Variants in EHBP1 observed in about 807,000 individuals in gnomAD.
EHBP1 encodes EH domain binding protein 1, also known as EH domain-binding protein 1.
In EHBP1, 55 loss-of-function variants were observed where a neutral mutation model predicts 144.0. The observed-to-expected ratio is 0.38, with a 90% confidence interval of 0.31 to 0.48. The LOEUF (loss-of-function observed/expected upper bound fraction) is 0.48, where lower values mean the gene tolerates loss of function less well. Ranked by LOEUF, EHBP1 falls within the 20% of genes least tolerant of loss-of-function variation. The pLI, the probability that EHBP1 is intolerant of heterozygous loss-of-function variation, is 0.98. For synonymous variants in EHBP1, 469 were observed against 472.7 expected (o/e 0.99, Z 0.10); for missense variants, 1,200 against 1,364.2 (o/e 0.88, Z 1.90).
intron 5 of EHBP1, among the ~76,000 whole-genome samples, chr2:62,791,968 C>T (rs768384113): frequency 3.3e-5 from 5 of 152,064 alleles, no homozygotes; most frequent in Middle Eastern, 6.8e-3. Context: ...CTCTTCATAT[C>T]GCTAATTAAT....
intron 10 of EHBP1, among the ~76,000 whole-genome samples, chr2:62,894,967 C>T (rs1022716486): frequency 1.6e-5 from 2 of 123,712 alleles, no homozygotes; most frequent in Non-Finnish European, 3.5e-5. Flanking sequence ...ATGCTGCAGG[C>T]AAGCAGGCAG....
At chr2:62,875,369 G>A (rs2050808464) in intron 10 of EHBP1, among the ~76,000 whole-genome samples, 1 of 152,220 alleles carries the variant, frequency 6.6e-6, no homozygotes, top group Non-Finnish European at 1.5e-5. Context: ...TGCAGCCCAC[G>A]AGTGCTGAGA....
chr2:62,768,962 C>T (rs2041409935), intron 4 of EHBP1, among the ~76,000 whole-genome samples: 1 of 152,178 alleles, frequency 6.6e-6, no homozygotes, highest in African/African-American at 2.4e-5. Flanking sequence ...TAAAATTCAA[C>T]ATCCCTTTGT....
At chr2:62,879,582 C>G (rs1173123204) in intron 10 of EHBP1, among the ~76,000 whole-genome samples, 1 of 150,990 alleles carries the variant, frequency 6.6e-6, no homozygotes, top group Non-Finnish European at 1.5e-5. Context: ...CACACACACA[C>G]ACACACACAG....
In EHBP1 at chr2:63,022,879, T is replaced by A. The variant is rs192635856; in HGVS notation, c.3104-14656T>A. ...CTGTTGAGTTGATACCTATTTTTTT[T>A]AAAAACATTAGAGGCCGGGCACAGT... On this transcript the variant is annotated intron_variant, in intron 19 of 22. Coordinates refer to ENST00000431489, the MANE Select transcript of EHBP1 (RefSeq NM_001142616.3). Among the ~76,000 whole-genome samples the A allele has an allele frequency of 1.7e-3, 263 of 152,168 alleles. 1 individual carries two copies. Among genetic ancestry groups the A allele is most frequent in the Middle Eastern group, 3.4e-3 (1 of 294 alleles).
At chr2:62,997,933 C>T (rs2059706673) in intron 19 of EHBP1, among the ~76,000 whole-genome samples, 1 of 152,024 alleles carries the variant, frequency 6.6e-6, no homozygotes, top group Non-Finnish European at 1.5e-5. Flanking sequence ...GATTCCTTAC[C>T]TTACTTCAAA....
At chr2:63,022,351 G>A (rs2060790258) in intron 19 of EHBP1, among the ~76,000 whole-genome samples, 1 of 151,456 alleles carries the variant, frequency 6.6e-6, no homozygotes, top group African/African-American at 2.4e-5. Context: ...ATCTCACTCT[G>A]TCGCACAGGC....
intron 10 of EHBP1, among the ~76,000 whole-genome samples, chr2:62,889,772 TG>T (rs969747231): frequency 6.6e-6 from 1 of 152,048 alleles, no homozygotes; most frequent in Non-Finnish European, 1.5e-5. Context: ...TACTTGTTTT[TG>T]TATCTATTCT....
chr2:62,832,024 A>G (rs1289782898), intron 7 of EHBP1, among the ~76,000 whole-genome samples: 1 of 152,190 alleles, frequency 6.6e-6, no homozygotes, highest in African/African-American at 2.4e-5. Context: ...CTTCCATTCC[A>G]CAACAAGAAA....
At chr2:62,694,974 G>A (rs2034036540) in intron 1 of EHBP1, among the ~76,000 whole-genome samples, 1 of 152,164 alleles carries the variant, frequency 6.6e-6, no homozygotes, top group Non-Finnish European at 1.5e-5. Context: ...AAATAAGAGA[G>A]GAGCTAAACA....
intron 9 of EHBP1, among the ~76,000 whole-genome samples, chr2:62,873,356 A>G (rs553485961): frequency 1.6e-4 from 25 of 152,286 alleles, no homozygotes; most frequent in Admixed American, 3.3e-4. Flanking sequence ...TTAAAATTAA[A>G]AATTCCTGGA....
intron 19 of EHBP1, among the ~76,000 whole-genome samples, chr2:63,032,322 G>A (rs564777884): frequency 5.3e-5 from 8 of 150,966 alleles, no homozygotes; most frequent in African/African-American, 1.7e-4. Context: ...TAATCCCAGC[G>A]TTTTGGGAGG....
At chr2:63,031,527 T>C (rs2061246559) in intron 19 of EHBP1, among the ~76,000 whole-genome samples, 1 of 152,216 alleles carries the variant, frequency 6.6e-6, no homozygotes, top group Admixed American at 6.5e-5. Flanking sequence ...CATCTGTAGA[T>C]TGTCAAGATA....
At chr2:62,720,853 C>G (rs2036158304) in intron 2 of EHBP1, among the ~76,000 whole-genome samples, 1 of 152,116 alleles carries the variant, frequency 6.6e-6, no homozygotes, top group African/African-American at 2.4e-5. Context: ...CTGCATAAAT[C>G]TCATAATGCT....
intron 15 of EHBP1, among the ~76,000 whole-genome samples, chr2:62,988,633 A>T (rs1174656503): frequency 6.6e-6 from 1 of 152,156 alleles, no homozygotes; most frequent in Non-Finnish European, 1.5e-5. Context: ...TTTAAAATAC[A>T]AAGATATTTG....
intron 12 of EHBP1, among the ~76,000 whole-genome samples, chr2:62,945,270 G>A (rs1234026457): frequency 6.6e-6 from 1 of 152,118 alleles, no homozygotes; most frequent in Non-Finnish European, 1.5e-5. Flanking sequence ...GTATTTTTCA[G>A]TATAATTGAT....
chr2:62,860,382 T>TC (rs1412183775), intron 8 of EHBP1, among the ~76,000 whole-genome samples: 1 of 152,016 alleles, frequency 6.6e-6, no homozygotes, highest in African/African-American at 2.4e-5. Context: ...TCCCAGCTAC[T>TC]CGAGAGGCTG....
chr2:62,879,110 T>G (rs1027217283), intron 10 of EHBP1, among the ~76,000 whole-genome samples: 1 of 151,736 alleles, frequency 6.6e-6, no homozygotes, highest in African/African-American at 2.4e-5. Context: ...TTAAAAACCC[T>G]TAACAAACTA....
intron 3 of EHBP1, among the ~76,000 whole-genome samples, chr2:62,748,224 T>C (rs1030462983): frequency 6.6e-6 from 1 of 152,162 alleles, no homozygotes; most frequent in African/African-American, 2.4e-5. Flanking sequence ...TTACGAGTTA[T>C]CTGAGTCTGT....
Sources: allele counts gnomAD v4.1 joint callset (sites outside exome capture counted in the v4.1 genomes callset), GRCh38; gene constraint gnomAD v4.1.1; transcripts MANE v1.5; gene names NCBI Gene and HGNC (gene_info 2026-07-23, HGNC 2026-07-21).